Variants in DPY19L3 observed in about 807,000 individuals in gnomAD.
DPY19L3 encodes protein C-mannosyl-transferase DPY19L3.
In DPY19L3, 51 loss-of-function variants were observed where a neutral mutation model predicts 92.3. The ratio of observed to expected loss-of-function variants is 0.55; its 90% confidence interval spans 0.44 to 0.70. DPY19L3 has a LOEUF of 0.70. DPY19L3 is among the 30% of genes least tolerant of loss of function. The probability of loss-of-function intolerance (pLI) is 0.00; values close to 1 mark genes in which losing one functional copy is unlikely to be tolerated. For missense variants in DPY19L3, 706 were observed against 855.9 expected, an observed-to-expected ratio of 0.82 and a Z score of 2.18; for synonymous variants, 309 against 315.2, an observed-to-expected ratio of 0.98 and a Z score of 0.21.
intron 8 of DPY19L3, among the ~76,000 whole-genome samples, chr19:32,447,816 T>TTAGA (rs1555721981): frequency 0.06 from 5,381 of 89,758 alleles, 134 homozygotes; most frequent in South Asian, 0.077. Context: ...GATAGATAGA[T>TTAGA]TAGATAGATA....
chr19:32,411,013 A>T (rs1399244701), intron 2 of DPY19L3, among the ~76,000 whole-genome samples: 1 of 152,194 alleles, frequency 6.6e-6, no homozygotes, highest in Non-Finnish European at 1.5e-5. Flanking sequence ...CAAGAAGCTC[A>T]CGTTGTAGTT....
chr19:32,415,873 A>T (rs1242114693), intron 3 of DPY19L3, among the ~76,000 whole-genome samples: 1 of 152,252 alleles, frequency 6.6e-6, no homozygotes, highest in African/African-American at 2.4e-5. Context: ...ACACGGGATG[A>T]TGAGATAGTC....
chr19:32,463,246 A>G (rs1041859147), intron 12 of DPY19L3, 120 bp from the exon 13 acceptor site: 2 of 1,118,046 alleles, frequency 1.8e-6, no homozygotes, highest in Non-Finnish European at 2.6e-6. Flanking sequence ...ATTTCATCTT[A>G]TGGAAATAAT....
At chr19:32,445,989 A>C (rs1969486309) in intron 8 of DPY19L3, among the ~76,000 whole-genome samples, 3 of 152,128 alleles carry the variant, frequency 2.0e-5, no homozygotes, top group African/African-American at 7.2e-5. Context: ...GAGACGAGTG[A>C]AACTTCGTCT....
chr19:32,463,282 C>T (rs1211276465), intron 12 of DPY19L3, 84 bp from the exon 13 acceptor site: 60 of 1,447,702 alleles, frequency 4.1e-5, no homozygotes, highest in Non-Finnish European at 5.2e-5. Context: ...TAAAGGCATA[C>T]ATTTCTTGTA....
In DPY19L3 at chr19:32,439,784, A is replaced by T; in HGVS notation, c.729A>T (p.Thr243=). ...AGGTTTTCTTTTTACAGAGGCTGAC[A>T]CTTCTTGCCATTTTCATATCAACTT... ...PNLQPLSERL[T]LLAIFISTFL... Residue 243 remains threonine, a synonymous_variant, in exon 8 of 19, where the codon ACA becomes ACT. Transcript: ENST00000392250. The T allele has an allele frequency of 1.2e-6, 2 of 1,613,384 alleles. No homozygotes were observed. Among genetic ancestry groups the T allele is most frequent in the Non-Finnish European group, 1.7e-6 (2 of 1,179,644 alleles).
intron 7 of DPY19L3, 52 bp from the exon 8 acceptor site, chr19:32,439,724 G>GT (rs1969263596): frequency 1.3e-6 from 2 of 1,579,118 alleles, no homozygotes; most frequent in African/African-American, 2.7e-5. Flanking sequence ...TTGTCTGCAA[G>GT]GTTTTTTATT....
At chr19:32,447,393 A>C (rs528501045) in intron 8 of DPY19L3, among the ~76,000 whole-genome samples, 1 of 152,314 alleles carries the variant, frequency 6.6e-6, no homozygotes, top group African/African-American at 2.4e-5. Context: ...AATCAATGCT[A>C]TTGAAAACAT....
intron 3 of DPY19L3, among the ~76,000 whole-genome samples, chr19:32,428,528 G>A (rs550850540): frequency 3.3e-5 from 5 of 152,238 alleles, no homozygotes; most frequent in East Asian, 1.9e-4. Flanking sequence ...ACTGGGATGC[G>A]GGGGATCCTG....
At chr19:32,419,090 C>T (rs1480406104) in intron 3 of DPY19L3, among the ~76,000 whole-genome samples, 3 of 151,242 alleles carry the variant, frequency 2.0e-5, no homozygotes, top group East Asian at 3.9e-4. Flanking sequence ...TTTTAAAATA[C>T]CCTTTATTGA....
chr19:32,480,672 T>A, intron 18 of DPY19L3, 115 bp downstream of exon 18: 1 of 1,326,154 alleles, frequency 7.5e-7, no homozygotes, highest in Non-Finnish European at 1.0e-6. Context: ...ACGCTACGAA[T>A]CAAGTATTTG....
rs148369289 is a variant in DPY19L3, at chr19:32,443,020, G to T, written c.855+3110G>T. On this transcript the variant is annotated intron_variant, in intron 8 of 18. Transcript: ENST00000392250. ...GAGACATCCTGTCCCCTCTCTATCA[G>T]GATGGTGTCAGAGAAGGTCAACAGG... Among the ~76,000 whole-genome samples the T allele has an allele frequency of 3.9e-5, 6 of 152,272 alleles. No homozygotes were observed. In the East Asian group the frequency reaches 1.2e-3, roughly 29 times the overall value.
chr19:32,459,202 G>C (rs943665758), intron 12 of DPY19L3, among the ~76,000 whole-genome samples: 1 of 152,150 alleles, frequency 6.6e-6, no homozygotes, highest in East Asian at 1.9e-4. Context: ...GAGTATGAAG[G>C]CTTTTTAAAA....
intron 4 of DPY19L3, among the ~76,000 whole-genome samples, chr19:32,435,812 C>T (rs1323816041): frequency 1.3e-5 from 2 of 152,194 alleles, no homozygotes; most frequent in Non-Finnish European, 1.5e-5. Context: ...GACAGAGGAC[C>T]TCTGTGGCTG....
At position 32,484,964 on chromosome 19, in the gene DPY19L3, G is replaced by T; in HGVS notation, c.*2724G>T. 6.6e-6 allele frequency: 1 copy of T among 152,144 alleles called. No individual in the cohort carries two copies. Among genetic ancestry groups the T allele is most frequent in the Non-Finnish European group, 1.5e-5 (1 of 68,018 alleles). 9.4% of individuals were successfully genotyped at this position (152,144 alleles called of 1,614,324 possible). A position where few individuals can be genotyped will look rare whatever the true frequency, so the allele number is the denominator to read the frequency against. On this transcript the variant is annotated 3_prime_UTR_variant, in exon 19 of 19. Coordinates refer to ENST00000392250, the MANE Select transcript of DPY19L3 (RefSeq NM_001172774.2). ...TCAAGAAAATTTCTGAGCTTAGATT[G>T]CTTCATAGATTTATTTAAGTACTCA...
chr19:32,464,559 G>A (rs916157685), intron 14 of DPY19L3, among the ~76,000 whole-genome samples, 169 bp from the exon 15 acceptor site: 15 of 152,020 alleles, frequency 9.9e-5, no homozygotes, highest in African/African-American at 2.7e-4. Context: ...TAAAAAAGCC[G>A]GGCACAGTGG....
At chr19:32,454,672 G>A (rs1969810976) in intron 9 of DPY19L3, among the ~76,000 whole-genome samples, 1 of 152,042 alleles carries the variant, frequency 6.6e-6, no homozygotes. Flanking sequence ...TGTTTCTAAG[G>A]TCTGAAAAAA....
At chr19:32,422,886 G>C (rs1458074506) in intron 3 of DPY19L3, among the ~76,000 whole-genome samples, 1 of 152,164 alleles carries the variant, frequency 6.6e-6, no homozygotes, top group Non-Finnish European at 1.5e-5. Flanking sequence ...CTAGCATTCA[G>C]TTTCTCCACA....
intron 9 of DPY19L3, among the ~76,000 whole-genome samples, chr19:32,454,115 G>A (rs555058023): frequency 2.5e-4 from 38 of 152,148 alleles, no homozygotes; most frequent in African/African-American, 6.0e-4. Flanking sequence ...AATATTACTC[G>A]TATTTGAACT....
Sources: allele counts gnomAD v4.1 joint callset (sites outside exome capture counted in the v4.1 genomes callset), GRCh38; gene constraint gnomAD v4.1.1; transcripts MANE v1.5; gene names NCBI Gene and HGNC (gene_info 2026-07-23, HGNC 2026-07-21).